The following CNKSR2 variants were observed in gnomAD, a reference collection of about 807,000 sequenced individuals.
CNKSR2 encodes connector enhancer of kinase suppressor of Ras 2, also known as CNK homolog protein 2.
Under a neutral mutation model 84.4 loss-of-function variants are expected in CNKSR2, and 14 were observed. The ratio of observed to expected loss-of-function variants is 0.17; its 90% CI spans 0.11 to 0.26. The LOEUF is 0.26. Among genes scored for constraint, CNKSR2 ranks in the 10% least tolerant of loss-of-function variants. The probability of loss-of-function intolerance (pLI) is 1.00; values close to 1 mark genes in which losing one functional copy is unlikely to be tolerated. For synonymous variants in CNKSR2, 275 were observed against 277.9 expected (o/e 0.99, Z 0.10); for missense variants, 485 against 771.2 (o/e 0.63, Z 4.40).
chrX:21,552,423 A>C (rs1162552828), intron 11 of CNKSR2, among the ~76,000 whole-genome samples: 1 of 112,082 alleles, frequency 8.9e-6, no homozygotes. Context: ...TGGTCACATA[A>C]TACTTACCAG....
At position 21,490,590 on chromosome X, in the gene CNKSR2, C is replaced by A; in HGVS notation, c.681+12C>A. The A allele has an allele frequency of 8.3e-7, 1 of 1,201,145 alleles. No individual in the cohort carries two copies. The highest frequency in any genetic ancestry group is 1.8e-5 in the South Asian group (1 of 55,188). On this transcript the variant is annotated intron_variant, in intron 6 of 21. Coordinates refer to ENST00000379510, the MANE Select transcript of CNKSR2 (RefSeq NM_014927.5). ...CAAGCGAAGGGCTGGTAAGAGATAC[C>A]ATGTTTATCAAAACCACCATCCATC...
intron 11 of CNKSR2, among the ~76,000 whole-genome samples, chrX:21,547,709 CAGA>C (rs1248516190): frequency 8.9e-6 from 1 of 111,993 alleles, no homozygotes; most frequent in African/African-American, 3.3e-5. Flanking sequence ...TGCAAGAGAA[CAGA>C]AATTATAACA....
At chrX:21,448,900 A>G (rs770425723) in intron 4 of CNKSR2, among the ~76,000 whole-genome samples, 1 of 111,994 alleles carries the variant, frequency 8.9e-6, no homozygotes, top group Admixed American at 9.5e-5. Flanking sequence ...AAGTAAAATA[A>G]TGGATTGAAA....
At chrX:21,590,418 T>C (rs914943169) in intron 13 of CNKSR2, among the ~76,000 whole-genome samples, 154 bp from the exon 14 acceptor site, 4 of 111,692 alleles carry the variant, frequency 3.6e-5, no homozygotes, top group Non-Finnish European at 5.6e-5. Flanking sequence ...TGACATGATG[T>C]ATATGAATTT....
chrX:21,579,362 T>C (rs986955953), intron 13 of CNKSR2, among the ~76,000 whole-genome samples: 1 of 111,888 alleles, frequency 8.9e-6, no homozygotes, highest in African/African-American at 3.2e-5. Flanking sequence ...GAAAATTCTC[T>C]ACTGGGAGTA....
At chrX:21,400,365 A>G (rs745985991) in intron 1 of CNKSR2, among the ~76,000 whole-genome samples, 1 of 111,005 alleles carries the variant, frequency 9.0e-6, no homozygotes, top group African/African-American at 3.3e-5. Flanking sequence ...CCCCATTCTG[A>G]TCATTAAAAA....
At chrX:21,522,038 G>T (rs2091789769) in intron 9 of CNKSR2, among the ~76,000 whole-genome samples, 1 of 110,936 alleles carries the variant, frequency 9.0e-6, no homozygotes. Context: ...ACATGGTCAA[G>T]AAACTAAAAA....
intron 1 of CNKSR2, among the ~76,000 whole-genome samples, chrX:21,378,712 A>G (rs1385545419): frequency 1.8e-5 from 2 of 110,379 alleles, no homozygotes; most frequent in Admixed American, 1.9e-4. Context: ...TGACTAAGTT[A>G]TTTTTCTAGG....
chrX:21,608,480 C>T (rs146341417), intron 19 of CNKSR2, among the ~76,000 whole-genome samples: 13 of 111,764 alleles, frequency 1.2e-4, no homozygotes, highest in Admixed American at 2.8e-4. Context: ...AGTATCTATG[C>T]TCAAGGCTAA....
At chrX:21,392,259 A>C (rs2090061545) in intron 1 of CNKSR2, among the ~76,000 whole-genome samples, 1 of 111,781 alleles carries the variant, frequency 8.9e-6, no homozygotes, top group Admixed American at 9.5e-5. Context: ...CCACATTTTT[A>C]GGTATCTTTA....
At chrX:21,423,968 G>A (rs912326857) in intron 1 of CNKSR2, 2 of 111,202 alleles carry the variant, frequency 1.8e-5, no homozygotes, top group Admixed American at 1.9e-4. Context: ...TTGTTGAGAT[G>A]TGTTTTTTCA....
At chrX:21,443,583 C>T (rs9969904) in intron 4 of CNKSR2, among the ~76,000 whole-genome samples, 54 of 111,319 alleles carry the variant, frequency 4.9e-4, no homozygotes, top group African/African-American at 1.7e-3. Context: ...TCTTGGTTAT[C>T]GCTGGTTGTC....
At chrX:21,391,642 G>A (rs2090052738) in intron 1 of CNKSR2, among the ~76,000 whole-genome samples, 1 of 111,891 alleles carries the variant, frequency 8.9e-6, no homozygotes, top group Non-Finnish European at 1.9e-5. Context: ...CTGACACGAG[G>A]GGCTGCTATG....
intron 20 of CNKSR2, among the ~76,000 whole-genome samples, chrX:21,634,217 G>T (rs948389482): frequency 1.8e-5 from 2 of 112,187 alleles, no homozygotes; most frequent in African/African-American, 6.5e-5. Flanking sequence ...ATAAAAGAAT[G>T]TGAAAATACC....
At chrX:21,605,869 CTT>C (rs763253223) in intron 18 of CNKSR2, among the ~76,000 whole-genome samples, 3 of 111,770 alleles carry the variant, frequency 2.7e-5, no homozygotes, top group African/African-American at 9.7e-5. Context: ...AATAAGGAGA[CTT>C]TTGTTTTAAT....
chrX:21,588,042 C>T lies in CNKSR2; in HGVS notation c.1609-2530C>T, dbSNP rs1024735131. ...AGGTCACACAGAGCATACTCTCCTC[C>T]CAGCAGCTAAAATTCAATCACATGT... On this transcript the variant is annotated intron_variant, in intron 13 of 21. Transcript: ENST00000379510. Among the ~76,000 whole-genome samples the T allele has an allele frequency of 2.4e-4, 27 of 111,832 alleles. No individual in the cohort carries two copies. In the Admixed American group the frequency reaches 2.6e-3, roughly 11 times the overall value.
At chrX:21,583,403 C>T (rs959882304) in intron 13 of CNKSR2, among the ~76,000 whole-genome samples, 5 of 111,584 alleles carry the variant, frequency 4.5e-5, no homozygotes, top group African/African-American at 1.6e-4. Flanking sequence ...TTCCTACATA[C>T]AATAATTAGA....
At chrX:21,601,846 T>C (rs906141393) in intron 18 of CNKSR2, among the ~76,000 whole-genome samples, 8 of 111,964 alleles carry the variant, frequency 7.1e-5, no homozygotes, top group Admixed American at 5.7e-4. Flanking sequence ...TGAAACACAG[T>C]GTTATGGTGC....
At chrX:21,592,995 A>G (rs2092430066) in intron 15 of CNKSR2, 1 of 109,279 alleles carries the variant, frequency 9.2e-6, no homozygotes, top group African/African-American at 3.3e-5. Flanking sequence ...ACTAAGTTTC[A>G]TTCAGCAAGT....
Sources: allele counts gnomAD v4.1 joint callset (sites outside exome capture counted in the v4.1 genomes callset), GRCh38; gene constraint gnomAD v4.1.1; transcripts MANE v1.5; gene names NCBI Gene and HGNC (gene_info 2026-07-23, HGNC 2026-07-21).